Variants in NWD1 observed in about 807,000 individuals in gnomAD.
NWD1 encodes NACHT domain- and WD repeat-containing protein 1.
In NWD1, 129 loss-of-function variants were observed where a neutral mutation model predicts 135.1. The observed-to-expected ratio is 0.96, with a 90% CI of 0.83 to 1.11. The LOEUF (loss-of-function observed/expected upper bound fraction) is 1.11. Among genes scored for constraint, NWD1 ranks in the 50% least tolerant of loss-of-function variants. The pLI is 0.00. For missense variants in NWD1, 1,740 were observed against 1,851.3 expected, an observed-to-expected ratio of 0.94 and a Z score of 1.10; for synonymous variants, 773 against 786.0, an observed-to-expected ratio of 0.98 and a Z score of 0.28.
At chr19:16,742,100 C>T (rs574763602) in intron 4 of NWD1, among the ~76,000 whole-genome samples, 20 of 148,400 alleles carry the variant, frequency 1.3e-4, no homozygotes, top group African/African-American at 4.0e-4. Flanking sequence ...ATAGGCCAGG[C>T]GCAGTGGCTC....
chr19:16,768,055 G>A lies in NWD1; in HGVS notation c.2410+2863G>A, dbSNP rs778312265. On this transcript the variant is annotated intron_variant, in intron 10 of 18. Transcript: ENST00000524140. ...CACCCAGGCTGGAGTGCAGTGGCAC[G>A]ATCTCAGCTCACCGCAACCTCCACC... Among the ~76,000 whole-genome samples, 12 of 132,148 alleles carry A rather than the reference G, an allele frequency of 9.1e-5. No homozygotes were observed. The South Asian group carries it at 9.8e-4, about 11-fold the overall frequency. The allele number at this position is 132,148 out of a possible 152,430, so 86.7% of individuals were successfully genotyped here.
intron 4 of NWD1, among the ~76,000 whole-genome samples, chr19:16,738,947 G>A (rs373489588): frequency 2.1e-4 from 30 of 139,840 alleles, no homozygotes; most frequent in African/African-American, 8.0e-4. Context: ...TGCCCAGGCT[G>A]GTTTTGAACT....
intron 14 of NWD1, among the ~76,000 whole-genome samples, chr19:16,792,033 C>T (rs1019823017): frequency 4.6e-5 from 7 of 152,060 alleles, no homozygotes; most frequent in African/African-American, 1.2e-4. Context: ...GCTTCTTAAT[C>T]GTAGGGATTT....
Position 16,787,904 on chromosome 19 carries a change from A to AATAATC in NWD1, c.2732-1076_2732-1075insAATCAT, listed in dbSNP as rs1283683765. 3.6e-4 allele frequency among the ~76,000 whole-genome samples: 44 copies of AATAATC among 121,054 alleles called. 1 individual carries two copies. Among genetic ancestry groups the AATAATC allele is most frequent in the South Asian group, 8.1e-4 (3 of 3,710 alleles). The allele number at this position is 121,054 out of a possible 152,430, so 79.4% of individuals were successfully genotyped here. A position where few individuals can be genotyped will look rare whatever the true frequency, so the allele number is the denominator to read the frequency against. On this transcript the variant is annotated intron_variant, in intron 12 of 18. Transcript: ENST00000524140. ...TAATAATAATAATAATAATAATAAT[A>AATAATC]ATCATCATCATCATCATCATCATCA...
At chr19:16,723,942 C>A (rs1386853120) in intron 1 of NWD1, among the ~76,000 whole-genome samples, 1 of 151,838 alleles carries the variant, frequency 6.6e-6, no homozygotes, top group South Asian at 2.1e-4. Flanking sequence ...GTGATCGGCC[C>A]GCCTTGGCCT....
At chr19:16,807,534 C>T in intron 17 of NWD1, 52 bp from the exon 18 acceptor site, 1 of 1,409,222 alleles carries the variant, frequency 7.1e-7, no homozygotes, top group Non-Finnish European at 9.6e-7. Flanking sequence ...GGAAGCAGGG[C>T]TGCTGTGATT....
intron 17 of NWD1, among the ~76,000 whole-genome samples, chr19:16,805,835 CATT>C (rs768584702): frequency 1.3e-5 from 2 of 152,000 alleles, no homozygotes; most frequent in Non-Finnish European, 2.9e-5. Flanking sequence ...ATTATTTCAT[CATT>C]AACAAGGAGT....
intron 4 of NWD1, among the ~76,000 whole-genome samples, chr19:16,737,995 G>T (rs561993679): frequency 2.0e-5 from 3 of 150,738 alleles, no homozygotes; most frequent in African/African-American, 7.4e-5. Context: ...GAAAAGAAAA[G>T]AAAAGAAAAG....
intron 6 of NWD1, among the ~76,000 whole-genome samples, chr19:16,758,457 T>C (rs909958556): frequency 1.3e-5 from 2 of 152,076 alleles, no homozygotes; most frequent in African/African-American, 2.4e-5. Flanking sequence ...TTAAATTTTT[T>C]TGTAGAGATG....
intron 15 of NWD1, among the ~76,000 whole-genome samples, chr19:16,797,283 C>A (rs1970446848): frequency 6.6e-6 from 1 of 151,708 alleles, no homozygotes; most frequent in Admixed American, 6.6e-5. Flanking sequence ...CCTTCCCCGT[C>A]CTGGATCCCT....
At chr19:16,742,869 T>C (rs1968141547) in intron 4 of NWD1, among the ~76,000 whole-genome samples, 1 of 143,576 alleles carries the variant, frequency 7.0e-6, no homozygotes, top group African/African-American at 2.6e-5. Flanking sequence ...AGACAGGGTC[T>C]CACTATGTTG....
chr19:16,783,516 C>T lies in NWD1; in HGVS notation c.2731+4051C>T, dbSNP rs527566334. Among the ~76,000 whole-genome samples the T allele has an allele frequency of 8.5e-5, 13 of 152,084 alleles. 1 individual carries two copies. The South Asian group carries it at 2.7e-3, about 32-fold the overall frequency. ...GGGCGTGGTGATATATACCTGTAATCCCAGCTACTCGGGAGGCTGAGGCAG... is the reference window on the plus strand; with the variant it reads ...GGGCGTGGTGATATATACCTGTAATTCCAGCTACTCGGGAGGCTGAGGCAG... On this transcript the variant is annotated intron_variant, in intron 12 of 18. Coordinates refer to ENST00000524140, the MANE Select transcript of NWD1 (RefSeq NM_001007525.5).
intron 7 of NWD1, among the ~76,000 whole-genome samples, chr19:16,761,628 G>A (rs1384778114): frequency 6.6e-6 from 1 of 152,080 alleles, no homozygotes; most frequent in African/African-American, 2.4e-5. Flanking sequence ...CTCCCAAAGT[G>A]CTGGGATCAC....
At chr19:16,724,973 C>T (rs979206549) in intron 2 of NWD1, among the ~76,000 whole-genome samples, 2 of 151,710 alleles carry the variant, frequency 1.3e-5, no homozygotes, top group South Asian at 2.1e-4. Context: ...GGATTACAGG[C>T]GTGAGCCACT....
chr19:16,769,459 T>TAA (rs35986056), intron 10 of NWD1, among the ~76,000 whole-genome samples: 41,091 of 147,884 alleles, frequency 0.28, 5,651 homozygotes, highest in Middle Eastern at 0.46. Flanking sequence ...AAAATTCCAT[T>TAA]AAAAAAAAAA....
In NWD1 at chr19:16,764,756, G is replaced by GC. The variant is rs56683037; in HGVS notation, c.2252-271dup. On this transcript the variant is annotated intron_variant, in intron 9 of 18. Coordinates refer to ENST00000524140, the MANE Select transcript of NWD1 (RefSeq NM_001007525.5). The stretch of plus-strand genomic sequence containing the variant: ...GTGATTCTTAACCAGAAGAGATTCT[G>GC]CCCCCCCAGGGGACACTTGACAATG... Among the ~76,000 whole-genome samples, 11 of 151,968 alleles carry GC rather than the reference G, an allele frequency of 7.2e-5. 1 individual carries two copies. The highest frequency in any genetic ancestry group is 2.2e-4 in the African/African-American group (9 of 41,456).
chr19:16,797,372 C>A lies in NWD1; in HGVS notation c.3305-360C>A, dbSNP rs143828678. ...TTGAGACAGAGTCTGGCTCTGTTGCCCAGGCTGGAGTGTAGTGGTGCAATC... is the reference window on the plus strand; with the variant it reads ...TTGAGACAGAGTCTGGCTCTGTTGCACAGGCTGGAGTGTAGTGGTGCAATC... On this transcript the variant is annotated intron_variant, in intron 15 of 18. Coordinates refer to ENST00000524140, the MANE Select transcript of NWD1 (RefSeq NM_001007525.5). 4.5e-4 allele frequency among the ~76,000 whole-genome samples: 67 copies of A among 148,992 alleles called. No individual in the cohort carries two copies. In the East Asian group the frequency reaches 0.011, roughly 25 times the overall value.
rs751748465 is a variant in NWD1 at position 16,749,300 on chromosome 19, GC to G, written c.661del (p.Gln221ArgfsTer31). 30 of 1,613,974 alleles carry G rather than the reference GC, an allele frequency of 1.9e-5. No individual in the cohort carries two copies. The South Asian group carries it at 3.2e-4, about 17-fold the overall frequency. On this transcript the variant is annotated frameshift_variant, in exon 6 of 19. Transcript: ENST00000524140. LOFTEE classifies it high-confidence loss of function. ...RLADGCLDAD[A>X]QNLLSSLKSH... is the part of the protein sequence containing the mutation. ...CGCGGATGGCTGCCTGGACGCTGAT[GC>G]CCAGAACCTTCTCAGCAGCCTCAAA...
chr19:16,749,586 G>T lies in NWD1; in HGVS notation c.944G>T (p.Arg315Leu). ...SSEVIQTFCGRQELLARLGQQ... is the reference protein window; with the variant it reads ...SSEVIQTFCGLQELLARLGQQ... ...GAGGTCATTCAGACCTTCTGCGGAC[G>T]CCAGGAACTCCTGGCCCGGCTTGGG... Residue 315 changes from arginine (R) to leucine (L), a missense_variant, in exon 6 of 19, where the codon CGC (arginine) becomes CTC (leucine). Arg to Leu is a moderately radical substitution (Grantham distance 102, BLOSUM62 -2). Coordinates refer to ENST00000524140, the MANE Select transcript of NWD1 (RefSeq NM_001007525.5). 1 of 1,613,034 alleles carries T rather than the reference G, an allele frequency of 6.2e-7. No homozygotes were observed. Among genetic ancestry groups the T allele is most frequent in the Non-Finnish European group, 8.5e-7 (1 of 1,179,186 alleles).
Sources: allele counts gnomAD v4.1 joint callset (sites outside exome capture counted in the v4.1 genomes callset), GRCh38; gene constraint gnomAD v4.1.1; transcripts MANE v1.5; gene names NCBI Gene and HGNC (gene_info 2026-07-23, HGNC 2026-07-21).